NLGN1: variants seen among roughly 807,000 people sequenced by gnomAD.
NLGN1 encodes neuroligin 1.
NLGN1 carries 12 observed loss-of-function variants against 65.5 expected under a neutral mutation model. The observed-to-expected ratio is 0.18, with a 90% CI of 0.12 to 0.30. NLGN1 has a LOEUF of 0.30. NLGN1 is among the 10% of genes least tolerant of loss of function. The pLI is 1.00. For synonymous variants in NLGN1, 350 were observed against 359.5 expected, an observed-to-expected ratio of 0.97 and a Z score of 0.30; for missense variants, 750 against 1,007.1, an observed-to-expected ratio of 0.74 and a Z score of 3.46.
intron 4 of NLGN1, among the ~76,000 whole-genome samples, chr3:174,103,442 T>A (rs1713006310): frequency 6.6e-6 from 1 of 152,122 alleles, no homozygotes; most frequent in Non-Finnish European, 1.5e-5. Context: ...GGAAAGACCA[T>A]CATACATAGC....
At chr3:173,721,772 C>T (rs748567794) in intron 3 of NLGN1, among the ~76,000 whole-genome samples, 2 of 152,072 alleles carry the variant, frequency 1.3e-5, no homozygotes, top group African/African-American at 4.8e-5. Flanking sequence ...CCATCTTTGC[C>T]GCATAGTACA....
intron 3 of NLGN1, among the ~76,000 whole-genome samples, chr3:173,741,637 C>T (rs1274772715): frequency 2.6e-5 from 4 of 152,036 alleles, no homozygotes; most frequent in Admixed American, 2.0e-4. Context: ...GGATTACAGG[C>T]GTGCACCATC....
chr3:173,482,617 C>A (rs1021050428), intron 2 of NLGN1, among the ~76,000 whole-genome samples: 2 of 151,850 alleles, frequency 1.3e-5, no homozygotes, highest in East Asian at 1.9e-4. Context: ...TTGAACATTT[C>A]TCTCGGAGGC....
intron 3 of NLGN1, among the ~76,000 whole-genome samples, chr3:173,800,527 AAAAATT>A (rs1465021365): frequency 6.6e-6 from 1 of 151,550 alleles, no homozygotes; most frequent in Non-Finnish European, 1.5e-5. Flanking sequence ...AATTTTTTTA[AAAAATT>A]AATATTAAGT....
intron 3 of NLGN1, among the ~76,000 whole-genome samples, chr3:173,623,086 G>C (rs527735032): frequency 1.7e-4 from 26 of 152,042 alleles, no homozygotes; most frequent in Admixed American, 1.7e-3. Context: ...AGCCAGCACC[G>C]TGTTTTTTTT....
intron 4 of NLGN1, among the ~76,000 whole-genome samples, chr3:174,019,863 GAAACC>G (rs945717891): frequency 6.6e-6 from 1 of 152,066 alleles, no homozygotes; most frequent in African/African-American, 2.4e-5. Context: ...AAGCATGACA[GAAACC>G]ATTTAAACAA....
chr3:173,773,877 G>C (rs960469394), intron 3 of NLGN1, among the ~76,000 whole-genome samples: 2 of 152,210 alleles, frequency 1.3e-5, no homozygotes, highest in African/African-American at 4.8e-5. Flanking sequence ...AGGAGAAAAA[G>C]CTTCTCTAAA....
At chr3:174,007,783 C>G (rs1724737509) in intron 4 of NLGN1, among the ~76,000 whole-genome samples, 1 of 152,174 alleles carries the variant, frequency 6.6e-6, no homozygotes, top group Non-Finnish European at 1.5e-5. Flanking sequence ...CAGTGCATAT[C>G]TGAACATGCA....
chr3:173,719,492 G>T (rs984047409), intron 3 of NLGN1, among the ~76,000 whole-genome samples: 1 of 152,016 alleles, frequency 6.6e-6, no homozygotes, highest in African/African-American at 2.4e-5. Context: ...CTCTTTAATG[G>T]CTTATAGTGT....
chr3:173,504,235 T>C (rs1173849649), intron 2 of NLGN1, among the ~76,000 whole-genome samples: 5 of 152,098 alleles, frequency 3.3e-5, no homozygotes, highest in Admixed American at 1.3e-4. Flanking sequence ...GTAATGCTGG[T>C]TCTAGTTATT....
chr3:173,544,840 G>A (rs1739503771), intron 2 of NLGN1, among the ~76,000 whole-genome samples: 2 of 152,144 alleles, frequency 1.3e-5, no homozygotes, highest in East Asian at 3.9e-4. Context: ...TTAAAGACAT[G>A]GGAGACCAAG....
chr3:174,051,035 A>G (rs1210983877), intron 4 of NLGN1, among the ~76,000 whole-genome samples: 2 of 152,112 alleles, frequency 1.3e-5, no homozygotes, highest in African/African-American at 4.8e-5. Flanking sequence ...AGATCAAACA[A>G]GAGGCCTCCA....
At position 174,162,752 on chromosome 3, in the gene NLGN1, T is replaced by G. The variant is rs1475705776; in HGVS notation, c.647-112563T>G. On this transcript the variant is annotated intron_variant, in intron 4 of 6. Transcript: ENST00000457714. ...GACTGTTCTACCATCTTGTGAAATGTGAGCTTCCCATGGATTCCTATCTAG... is the reference window on the plus strand; with the variant it reads ...GACTGTTCTACCATCTTGTGAAATGGGAGCTTCCCATGGATTCCTATCTAG... Among the ~76,000 whole-genome samples the G allele has an allele frequency of 2.0e-5, 3 of 151,044 alleles. No homozygotes were observed. In the Admixed American group the frequency reaches 2.0e-4, roughly 10 times the overall value.
At chr3:173,921,388 G>T (rs1405116306) in intron 4 of NLGN1, among the ~76,000 whole-genome samples, 1 of 149,958 alleles carries the variant, frequency 6.7e-6, no homozygotes, top group African/African-American at 2.4e-5. Context: ...TTTTTTCTGT[G>T]TTCAAGTTCA....
chr3:173,567,581 A>G (rs1405881576), intron 2 of NLGN1, among the ~76,000 whole-genome samples: 1 of 151,516 alleles, frequency 6.6e-6, no homozygotes, highest in African/African-American at 2.4e-5. Context: ...CTTCACTTAA[A>G]TCGTATGCTG....
chr3:173,399,758 T>A (rs546738), intron 1 of NLGN1: 2 of 151,962 alleles, frequency 1.3e-5, no homozygotes, highest in East Asian at 3.9e-4. Context: ...TAGCTGTTTC[T>A]GGTTTTCTTT....
At chr3:174,144,320 G>A (rs1456194599) in intron 4 of NLGN1, among the ~76,000 whole-genome samples, 1 of 152,156 alleles carries the variant, frequency 6.6e-6, no homozygotes, top group Non-Finnish European at 1.5e-5. Context: ...TATCATTGAT[G>A]GGCATTTGGG....
chr3:173,437,519 G>A (rs1297057433), intron 2 of NLGN1, among the ~76,000 whole-genome samples: 1 of 152,110 alleles, frequency 6.6e-6, no homozygotes, highest in African/African-American at 2.4e-5. Context: ...GAACGTTGAT[G>A]GATATGACAT....
intron 2 of NLGN1, among the ~76,000 whole-genome samples, chr3:173,570,312 A>G (rs1283421693): frequency 6.6e-6 from 1 of 152,222 alleles, no homozygotes; most frequent in Non-Finnish European, 1.5e-5. Flanking sequence ...AGCAAGGTGG[A>G]TTTGAAAAGC....
Sources: allele counts gnomAD v4.1 joint callset (sites outside exome capture counted in the v4.1 genomes callset), GRCh38; gene constraint gnomAD v4.1.1; transcripts MANE v1.5; gene names NCBI Gene and HGNC (gene_info 2026-07-23, HGNC 2026-07-21).